Variants in RASA2 observed in about 807,000 individuals in gnomAD.
RASA2 encodes the protein RAS p21 protein activator 2.
Under a neutral mutation model 118.2 loss-of-function variants are expected in RASA2, and 155 were observed. The observed-to-expected ratio is 1.31, with a 90% confidence interval of 1.15 to 1.50. The LOEUF (loss-of-function observed/expected upper bound fraction) is 1.50, where lower values mean the gene tolerates loss of function less well. Among genes scored for constraint, RASA2 ranks in the 40% most tolerant of loss-of-function variants. The pLI, the probability that RASA2 is intolerant of heterozygous loss-of-function variation, is 0.00. For missense variants in RASA2, 1,016 were observed against 1,009.6 expected (o/e 1.01, Z -0.09); for synonymous variants, 353 against 349.1 (o/e 1.01, Z -0.12).
intron 19 of RASA2, among the ~76,000 whole-genome samples, chr3:141,596,074 T>C (rs1186283544): frequency 1.3e-5 from 2 of 152,238 alleles, no homozygotes; most frequent in Admixed American, 1.3e-4. Flanking sequence ...AGAATACATA[T>C]TCTTTTGAAA....
At chr3:141,544,668 GT>G (rs1243609744) in intron 5 of RASA2, among the ~76,000 whole-genome samples, 16 of 151,782 alleles carry the variant, frequency 1.1e-4, no homozygotes, top group Non-Finnish European at 2.1e-4. Context: ...AGACTTTCTT[GT>G]TTTTTTGTTT....
At chr3:141,571,092 T>A in intron 10 of RASA2, 24 bp downstream of exon 10, 1 of 1,572,928 alleles carries the variant, frequency 6.4e-7, no homozygotes, top group Non-Finnish European at 8.6e-7. Context: ...CTTAAGGATA[T>A]GATTTAACAC....
At chr3:141,567,693 G>A (rs886283229) in intron 9 of RASA2, among the ~76,000 whole-genome samples, 1 of 152,080 alleles carries the variant, frequency 6.6e-6, no homozygotes, top group African/African-American at 2.4e-5. Context: ...TACCATAGAG[G>A]CAGTGAGTAA....
rs183097539 is a variant in RASA2 at position 141,522,619 on chromosome 3, T to C, written c.355+6188T>C. Reference sequence around the variant, plus strand: ...GCACCTTGGCCTCTGGTTGGCCTCATGAATAGTGAAGTATAAGTCCTGCAA... The same window carrying C: ...GCACCTTGGCCTCTGGTTGGCCTCACGAATAGTGAAGTATAAGTCCTGCAA... On this transcript the variant is annotated intron_variant, in intron 3 of 23. Coordinates refer to ENST00000286364, the MANE Select transcript of RASA2 (RefSeq NM_006506.5). 1.6e-4 allele frequency among the ~76,000 whole-genome samples: 25 copies of C among 152,270 alleles called. No homozygotes were observed. The East Asian group carries it at 4.4e-3, about 27-fold the overall frequency.
rs1331827857 is a variant in RASA2 at position 141,512,202 on chromosome 3, A to G, written c.173A>G (p.Lys58Arg). The G allele has an allele frequency of 1.2e-6, 2 of 1,605,944 alleles. No individual in the cohort carries two copies. The highest frequency in any genetic ancestry group is 1.7e-6 in the Non-Finnish European group (2 of 1,177,906). The change falls in exon 2 of 24, where the codon AAA becomes AGA. Residue 58 changes from lysine (K) to arginine (R), a missense_variant. Physicochemically the swap from Lys to Arg is conservative, Grantham distance 26. This residue lies in a region of RASA2 where 896 missense variants were observed against 836.4 expected (regional missense o/e 1.07). Transcript: ENST00000286364. ...KNLLPYLGPH[K>R]MRDCFCTINL... ...TTATTGCCATATCTTGGACCCCACA[A>G]AATGAGAGATTGTTTCTGTACCATA...
intron 1 of RASA2, among the ~76,000 whole-genome samples, chr3:141,490,228 G>A (rs1349714073): frequency 6.7e-6 from 1 of 149,910 alleles, no homozygotes; most frequent in African/African-American, 2.5e-5. Context: ...CCTTGATAAA[G>A]GAAATTAGGG....
At chr3:141,530,317 C>T (rs1056363752) in intron 4 of RASA2, among the ~76,000 whole-genome samples, 2 of 152,062 alleles carry the variant, frequency 1.3e-5, no homozygotes, top group African/African-American at 2.4e-5. Context: ...AGTATCATTA[C>T]TCTTTAATCT....
In RASA2 at chr3:141,579,269, T is replaced by TA. The variant is rs202063019; in HGVS notation, c.1591-1098dup. Among the ~76,000 whole-genome samples the TA allele has an allele frequency of 6.1e-3, 931 of 152,340 alleles. 9 individuals carry two copies. Among genetic ancestry groups the TA allele is most frequent in the African/African-American group, 0.022 (895 of 41,574 alleles). Reference sequence around the variant, plus strand: ...AATGGTCTGTGTTTTGATAGAAACTTACACAAATGTATGGATTGGTGAAAA... The same window carrying TA: ...AATGGTCTGTGTTTTGATAGAAACTTAACACAAATGTATGGATTGGTGAAAA... On this transcript the variant is annotated intron_variant, in intron 15 of 23. Coordinates refer to ENST00000286364, the MANE Select transcript of RASA2 (RefSeq NM_006506.5).
At chr3:141,578,438 G>A (rs986351064) in intron 15 of RASA2, 4 of 152,050 alleles carry the variant, frequency 2.6e-5, no homozygotes, top group African/African-American at 9.7e-5. Flanking sequence ...TTGCTCAATA[G>A]TGTAGGGAAA....
At chr3:141,593,040 C>A (rs548897376) in intron 19 of RASA2, among the ~76,000 whole-genome samples, 2 of 152,012 alleles carry the variant, frequency 1.3e-5, no homozygotes, top group Non-Finnish European at 2.9e-5. Flanking sequence ...AAGAAAGGAA[C>A]CATGCTGGCT....
rs549482296 is a variant in RASA2, at chr3:141,613,021, T to G, written c.*708T>G. ...AAAGAAGTAATGAGACCACTGAAATTGTTTTCATTGTTTTAAATACCAGGT... is the reference window on the plus strand; with the variant it reads ...AAAGAAGTAATGAGACCACTGAAATGGTTTTCATTGTTTTAAATACCAGGT... On this transcript the variant is annotated 3_prime_UTR_variant, in exon 24 of 24. Coordinates refer to ENST00000286364, the MANE Select transcript of RASA2 (RefSeq NM_006506.5). The G allele has an allele frequency of 6.6e-6, 1 of 152,356 alleles. No homozygotes were observed. Among genetic ancestry groups the G allele is most frequent in the South Asian group, 2.1e-4 (1 of 4,834 alleles). 9.4% of individuals were successfully genotyped at this position (152,356 alleles called of 1,614,324 possible). A position where few individuals can be genotyped will look rare whatever the true frequency, so the allele number is the denominator to read the frequency against.
rs751548210 is a variant in RASA2 at position 141,574,119 on chromosome 3, TA to T, written c.1483+53del. 3 of 1,231,546 alleles carry T rather than the reference TA, an allele frequency of 2.4e-6. No individual in the cohort carries two copies. In the African/African-American group the frequency reaches 4.7e-5, roughly 19 times the overall value. The allele number at this position is 1,231,546 out of a possible 1,614,324, so 76.3% of individuals were successfully genotyped here. A position where few individuals can be genotyped will look rare whatever the true frequency, so the allele number is the denominator to read the frequency against. ...GCCATTTATTTTTCTTTGACTTTTT[TA>T]TAGATATTAATTACATGTTTGGTTT... On this transcript the variant is annotated intron_variant, in intron 14 of 23. Transcript: ENST00000286364.
chr3:141,580,983 C>T (rs1002245947), intron 16 of RASA2, 117 bp from the exon 17 acceptor site: 4 of 1,133,238 alleles, frequency 3.5e-6, no homozygotes, highest in Admixed American at 4.1e-5. Flanking sequence ...GCCCTGAACT[C>T]TCTGAAAATA....
chr3:141,527,300 T>C (rs2082198725), intron 3 of RASA2, among the ~76,000 whole-genome samples: 1 of 152,174 alleles, frequency 6.6e-6, no homozygotes. Context: ...ATTATGGAAA[T>C]TGTAAAGTAG....
chr3:141,546,411 A>G (rs1430361558), intron 5 of RASA2, among the ~76,000 whole-genome samples: 1 of 152,202 alleles, frequency 6.6e-6, no homozygotes, highest in Non-Finnish European at 1.5e-5. Context: ...ATTTCATTGT[A>G]GTTTTGATTT....
In RASA2 at chr3:141,586,655, T is replaced by C. The variant is rs747063539; in HGVS notation, c.1836T>C (p.Tyr612=). The C allele has an allele frequency of 9.3e-6, 15 of 1,608,510 alleles. No homozygotes were observed. Among genetic ancestry groups the C allele is most frequent in the Admixed American group, 6.7e-5 (4 of 59,836 alleles). The stretch of plus-strand genomic sequence containing the variant: ...TCTGTTATGTTGGCAGTGAGATGTA[T>C]AAAAGAGCTCAAGGAAGAACTCGGA... The part of the protein sequence containing the change: ...EPVHLKEGEM[Y]KRAQGRTRIG... The change falls in exon 19 of 24, where the codon TAT becomes TAC. Residue 612 remains tyrosine (Y), a synonymous_variant. Coordinates refer to ENST00000286364, the MANE Select transcript of RASA2 (RefSeq NM_006506.5).
chr3:141,513,105 G>A (rs1428478391), intron 2 of RASA2, among the ~76,000 whole-genome samples: 5 of 150,000 alleles, frequency 3.3e-5, no homozygotes, highest in Non-Finnish European at 5.9e-5. Context: ...ACAGGGTGTG[G>A]GGTATTATTG....
In RASA2 at chr3:141,546,463, A is replaced by T. The variant is rs181130303; in HGVS notation, c.527+5854A>T. 4.6e-5 allele frequency among the ~76,000 whole-genome samples: 7 copies of T among 152,262 alleles called. No individual in the cohort carries two copies. The East Asian group carries it at 1.3e-3, about 29-fold the overall frequency. ...CAGTGATGTTGAGCACCTTTTCATA[A>T]ATTTGTTTGCCATTTGTATGTCTTC... On this transcript the variant is annotated intron_variant, in intron 5 of 23. Coordinates refer to ENST00000286364, the MANE Select transcript of RASA2 (RefSeq NM_006506.5).
chr3:141,600,558 G>T, intron 19 of RASA2: 3 of 271,172 alleles, frequency 1.1e-5, no homozygotes, highest in South Asian at 8.0e-5. Context: ...TGGCCTTCAG[G>T]ATCAGCTCCC....
Sources: allele counts gnomAD v4.1 joint callset (sites outside exome capture counted in the v4.1 genomes callset), GRCh38; gene constraint gnomAD v4.1.1; regional missense constraint gnomAD v4.1.1; transcripts MANE v1.5; gene names NCBI Gene and HGNC (gene_info 2026-07-23, HGNC 2026-07-21).